TARS2: variants seen among roughly 807,000 people sequenced by gnomAD.
TARS2 encodes threonine--tRNA ligase, mitochondrial.
Under a neutral mutation model 94.4 loss-of-function variants are expected in TARS2, and 61 were observed. The observed-to-expected ratio is 0.65, with a 90% CI of 0.53 to 0.80. TARS2 has a LOEUF of 0.80. Ranked by LOEUF, TARS2 falls within the 30% of genes least tolerant of loss-of-function variation. The pLI is 0.00. For missense variants in TARS2, 704 were observed against 902.5 expected (o/e 0.78, Z 2.82); for synonymous variants, 359 against 353.4 (o/e 1.02, Z -0.18).
intron 3 of TARS2, among the ~76,000 whole-genome samples, chr1:150,489,896 C>T (rs1289374659): frequency 6.6e-6 from 1 of 152,054 alleles, no homozygotes; most frequent in Non-Finnish European, 1.5e-5. Context: ...GAGCTGAGAT[C>T]GCGTCATTGC....
chr1:150,488,971 C>G lies in TARS2; in HGVS notation c.271C>G (p.Leu91Val). 6.2e-7 allele frequency: 1 copy of G among 1,613,400 alleles called. No homozygotes were observed. Among genetic ancestry groups the G allele is most frequent in the Non-Finnish European group, 8.5e-7 (1 of 1,179,604 alleles). The change falls in exon 3 of 18, where the codon CTG becomes GTG. Residue 91 changes from leucine to valine, a missense_variant. By Grantham distance (32) the Leu-to-Val change is conservative. Transcript: ENST00000369064. ...YQLARQISST[L>V]ADTAVAAQVN... ...CACCTTCCACTGCTGAAGTTCAACA[C>G]TGGCAGATACTGCAGTGGCTGCTCA...
intron 7 of TARS2, among the ~76,000 whole-genome samples, chr1:150,495,369 A>G (rs1392556504): frequency 6.6e-6 from 1 of 151,614 alleles, no homozygotes; most frequent in Non-Finnish European, 1.5e-5. Flanking sequence ...ACTGTTTCTC[A>G]TTAGTACTGT....
intron 8 of TARS2, 30 bp downstream of exon 8, chr1:150,496,658 G>T: frequency 6.2e-7 from 1 of 1,606,344 alleles, no homozygotes; most frequent in African/African-American, 1.3e-5. Context: ...AGGGAGGGAT[G>T]GTGATAAGGG....
intron 7 of TARS2, 68 bp from the exon 8 acceptor site, chr1:150,496,414 T>A (rs1669664033): frequency 6.6e-7 from 1 of 1,523,100 alleles, no homozygotes. Flanking sequence ...AGAGTATCAT[T>A]TGAGTCTTGA....
At position 150,507,179 on chromosome 1, in the gene TARS2, C is replaced by A; in HGVS notation, c.*115C>A. The A allele has an allele frequency of 7.3e-7, 1 of 1,376,024 alleles. No homozygotes were observed. Among genetic ancestry groups the A allele is most frequent in the Non-Finnish European group, 9.8e-7 (1 of 1,018,086 alleles). 85.2% of individuals were successfully genotyped at this position (1,376,024 alleles called of 1,614,324 possible). On this transcript the variant is annotated 3_prime_UTR_variant, in exon 18 of 18. Transcript: ENST00000369064. ...CCAGAACTTCAGAACTGTGTGGAGGCACATGTCTGCTCTCCTGAAAAGAGA... is the reference window on the plus strand; with the variant it reads ...CCAGAACTTCAGAACTGTGTGGAGGAACATGTCTGCTCTCCTGAAAAGAGA...
At chr1:150,505,778 G>C (rs1277099714) in intron 17 of TARS2, 73 bp downstream of exon 17, 24 of 1,451,626 alleles carry the variant, frequency 1.7e-5, no homozygotes, top group Non-Finnish European at 2.3e-5. Flanking sequence ...ACCAAGTCTG[G>C]TAATGCATAT....
At chr1:150,488,697 A>G in intron 2 of TARS2, 1 of 310,684 alleles carries the variant, frequency 3.2e-6, no homozygotes, top group Non-Finnish European at 6.0e-6. Flanking sequence ...GAAATATACA[A>G]TAAATTATTA....
rs1372417606 is a variant in TARS2 at position 150,498,486 on chromosome 1, T to C, written c.1239-16T>C. 6.4e-7 allele frequency: 1 copy of C among 1,558,880 alleles called. No homozygotes were observed. The highest frequency in any genetic ancestry group is 8.6e-7 in the Non-Finnish European group (1 of 1,158,424). Reference sequence around the variant, plus strand: ...GTCCTCCCTATGGCCCTGACCCCTCTGCACCCCAACCTCAGCCTGATGTTC... The same window carrying C: ...GTCCTCCCTATGGCCCTGACCCCTCCGCACCCCAACCTCAGCCTGATGTTC... On this transcript the variant is annotated splice_polypyrimidine_tract_variant and intron_variant, in intron 10 of 17. Transcript: ENST00000369064.
chr1:150,499,043 G>A lies in TARS2; in HGVS notation c.1539+9G>A, dbSNP rs766879844. On this transcript the variant is annotated intron_variant, in intron 12 of 17. Transcript: ENST00000369064. Reference sequence around the variant, plus strand: ...GGGACCAGGCCGAACAGGTGAGTAGGAGGTAGAGAAATAGAGGCAGATAAA... The same window carrying A: ...GGGACCAGGCCGAACAGGTGAGTAGAAGGTAGAGAAATAGAGGCAGATAAA... 6.2e-7 allele frequency: 1 copy of A among 1,614,140 alleles called. No homozygotes were observed. The highest frequency in any genetic ancestry group is 2.2e-5 in the East Asian group (1 of 44,874).
chr1:150,498,066 C>G (rs587736769), intron 10 of TARS2, among the ~76,000 whole-genome samples: 20 of 148,008 alleles, frequency 1.4e-4, no homozygotes, highest in African/African-American at 4.8e-4. Context: ...GCACTCCAGC[C>G]TGGGTGACAC....
intron 13 of TARS2, among the ~76,000 whole-genome samples, chr1:150,500,058 C>T (rs1487753004): frequency 6.6e-6 from 1 of 151,772 alleles, no homozygotes; most frequent in Non-Finnish European, 1.5e-5. Context: ...GCCTGTGGTC[C>T]CAGCTACCCA....
At chr1:150,503,028 TAA>T (rs1669994062) in intron 13 of TARS2, among the ~76,000 whole-genome samples, 1 of 152,122 alleles carries the variant, frequency 6.6e-6, no homozygotes, top group South Asian at 2.1e-4. Context: ...GATACTGCTA[TAA>T]AAAGAGAGAG....
chr1:150,500,483 C>T (rs2102498905), intron 13 of TARS2, among the ~76,000 whole-genome samples: 1 of 152,302 alleles, frequency 6.6e-6, no homozygotes, highest in Non-Finnish European at 1.5e-5. Flanking sequence ...GTCCCAACTA[C>T]TCAGTAGCCT....
intron 10 of TARS2, 103 bp downstream of exon 10, chr1:150,497,850 G>C (rs919618117): frequency 8.3e-7 from 1 of 1,206,376 alleles, no homozygotes; most frequent in African/African-American, 1.5e-5. Context: ...CCAACACTTT[G>C]GGAGGCCGAG....
At position 150,489,071 on chromosome 1, in the gene TARS2, C is replaced by T. The variant is rs750617285; in HGVS notation, c.371C>T (p.Ser124Phe). The change falls in exon 3 of 18, where the codon TCC (serine) becomes TTC (phenylalanine). Residue 124 changes from serine to phenylalanine, a missense_variant. By Grantham distance (155) the Ser-to-Phe change is radical (BLOSUM62 -2). Around this residue, in one of 3 missense-constraint regions of TARS2, gnomAD observed 208 missense variants for 228.5 expected, o/e 0.91. Coordinates refer to ENST00000369064, the MANE Select transcript of TARS2 (RefSeq NM_025150.5). ...DSDLRFLTFD[S>F]PEGKAVFWHS... ...GACCTCAGATTTCTGACATTCGATT[C>T]CCCAGAGGGGAAAGCAGTAAGTTTC... 3 of 1,614,040 alleles carry T rather than the reference C, an allele frequency of 1.9e-6. No homozygotes were observed. Among genetic ancestry groups the T allele is most frequent in the Admixed American group, 1.7e-5 (1 of 60,000 alleles).
At chr1:150,503,902 CAAAAAAA>C (rs1285986585) in intron 13 of TARS2, among the ~76,000 whole-genome samples, 1 of 63,780 alleles carries the variant, frequency 1.6e-5, no homozygotes, top group African/African-American at 5.8e-5. Context: ...GACTCTGTCT[CAAAAAAA>C]AAAAAAAAAA....
Position 150,507,063 on chromosome 1 carries a change from G to A in TARS2, c.2156G>A (p.Ter719=). 6.2e-7 allele frequency: 1 copy of A among 1,614,084 alleles called. No individual in the cohort carries two copies. Among genetic ancestry groups the A allele is most frequent in the Non-Finnish European group, 8.5e-7 (1 of 1,180,012 alleles). Residue 719 remains the stop codon, a stop_retained_variant, in exon 18 of 18, where the codon TGA becomes TAA. Transcript: ENST00000369064. The part of the protein sequence containing the change: ...TRVPNAEEIF[*] ...GTCCCAAATGCCGAAGAAATTTTCT[G>A]AGCCTTTGTACATAGATGAGGCAAA...
chr1:150,498,507 T>C lies in TARS2; in HGVS notation c.1244T>C (p.Met415Thr). Residue 415 changes from methionine to threonine, a missense_variant, in exon 11 of 18, where the codon ATG (methionine) becomes ACG (threonine). Around this residue, in one of 3 missense-constraint regions of TARS2, gnomAD observed 466 missense variants for 609.5 expected, o/e 0.76. Coordinates refer to ENST00000369064, the MANE Select transcript of TARS2 (RefSeq NM_025150.5). ...CCTCTGCACCCCAACCTCAGCCTGA[T>C]GTTCGCCCACCGGCCCAGATCCTGG... ...KPMNCPAHCL[M>T]FAHRPRSWRE... The C allele has an allele frequency of 6.3e-7, 1 of 1,578,210 alleles. No homozygotes were observed. The highest frequency in any genetic ancestry group is 8.6e-7 in the Non-Finnish European group (1 of 1,166,134).
chr1:150,493,748 C>T (rs1436187373), intron 7 of TARS2, among the ~76,000 whole-genome samples: 14 of 148,692 alleles, frequency 9.4e-5, no homozygotes, highest in Middle Eastern at 3.5e-3. Context: ...AGCAAAACTC[C>T]GTCTCAAAAA....
Sources: gnomAD v4.1 joint callset for allele counts (sites outside exome capture counted in the v4.1 genomes callset) on GRCh38, gnomAD v4.1.1 for gene constraint, gnomAD v4.1.1 regional missense constraint, MANE v1.5 for transcripts, NCBI Gene and HGNC (gene_info 2026-07-23, HGNC 2026-07-21) for gene names.